Variants in MLLT10 observed in about 807,000 individuals in gnomAD.
The protein encoded by MLLT10 is protein AF-10.
Under a neutral mutation model 129.1 loss-of-function variants are expected in MLLT10, and 30 were observed. That is an observed-to-expected ratio of 0.23 (90% CI 0.17 to 0.32). The LOEUF (loss-of-function observed/expected upper bound fraction) is 0.32. Ranked by LOEUF, MLLT10 falls within the 10% of genes least tolerant of loss-of-function variation. The pLI is 1.00. For missense variants in MLLT10, 1,119 were observed against 1,268.3 expected, an observed-to-expected ratio of 0.88 and a Z score of 1.79; for synonymous variants, 490 against 446.4, an observed-to-expected ratio of 1.10 and a Z score of -1.23.
chr10:21,627,220 A>G (rs1052343164), intron 8 of MLLT10, among the ~76,000 whole-genome samples: 1 of 151,844 alleles, frequency 6.6e-6, no homozygotes, highest in African/African-American at 2.4e-5. Context: ...TTTCTCCTCT[A>G]CTCTCTGTAG....
Position 21,732,891 on chromosome 10 carries a change from T to C in MLLT10, c.2219-8T>C, listed in dbSNP as rs372022477. 8.1e-6 allele frequency: 13 copies of C among 1,611,102 alleles called. No homozygotes were observed. The highest frequency in any genetic ancestry group is 1.3e-5 in the African/African-American group (1 of 74,730). ...GTCATTATTAAAAACTATCCAAATG[T>C]GTGGTAGTTTTAGGAATGCTGAAGT... On this transcript the variant is annotated splice_polypyrimidine_tract_variant and splice_region_variant and intron_variant, in intron 17 of 22. Transcript: ENST00000307729.
At chr10:21,592,434 T>C (rs1284751204) in intron 4 of MLLT10, among the ~76,000 whole-genome samples, 3 of 151,768 alleles carry the variant, frequency 2.0e-5, no homozygotes, top group African/African-American at 7.3e-5. Context: ...CCCTTAGTTT[T>C]CTGTAGTTTT....
At chr10:21,717,888 T>TC (rs2056846205) in intron 14 of MLLT10, among the ~76,000 whole-genome samples, 1 of 75,954 alleles carries the variant, frequency 1.3e-5, no homozygotes, top group East Asian at 4.5e-4. Context: ...TCCTCCTCCT[T>TC]CTCCTCCTCC....
intron 3 of MLLT10, among the ~76,000 whole-genome samples, chr10:21,565,968 T>C (rs905763345): frequency 9.6e-5 from 14 of 146,104 alleles, no homozygotes; most frequent in African/African-American, 3.3e-4. Flanking sequence ...TTTTTTTTTT[T>C]TTGAGATGGA....
chr10:21,638,780 C>T (rs562364623), intron 8 of MLLT10, among the ~76,000 whole-genome samples: 5 of 152,244 alleles, frequency 3.3e-5, no homozygotes, highest in African/African-American at 9.6e-5. Context: ...TATTTTTCTT[C>T]TTAAAGCACT....
chr10:21,647,433 A>G (rs1270374493), intron 8 of MLLT10, among the ~76,000 whole-genome samples: 1 of 152,062 alleles, frequency 6.6e-6, no homozygotes, highest in Non-Finnish European at 1.5e-5. Context: ...AGGCAGAAGG[A>G]TCCTTTGAGC....
At chr10:21,651,319 T>G (rs1047057560) in intron 8 of MLLT10, among the ~76,000 whole-genome samples, 1 of 152,042 alleles carries the variant, frequency 6.6e-6, no homozygotes, top group African/African-American at 2.4e-5. Flanking sequence ...ATCCGCCCGC[T>G]TCAGCTTCCC....
rs376126909 is a variant in MLLT10, at chr10:21,674,338, G to C, written c.1621+419G>C. On this transcript the variant is annotated intron_variant, in intron 11 of 22. Transcript: ENST00000307729. ...TCCCTTTCTCTAAACTTCAATTTTA[G>C]TAATCATTTTCTAAACGACTCCTCA... Among the ~76,000 whole-genome samples, 4 of 151,020 alleles carry C rather than the reference G, an allele frequency of 2.6e-5. No homozygotes were observed. In the East Asian group the frequency reaches 8.0e-4, roughly 30 times the overall value.
chr10:21,733,534 A>T lies in MLLT10; in HGVS notation c.2438A>T (p.Lys813Met). ...ACTACTGATTCCTTGAACAGCAGTA[A>T]GAGCCCTCATATAGGAAACAGCTTT... is the stretch of plus-strand genomic sequence containing the variant. ...APTTDSLNSS[K>M]SPHIGNSFLP... The change falls in exon 19 of 23, where the codon AAG becomes ATG. Residue 813 changes from lysine to methionine, a missense_variant. By Grantham distance (95) the Lys-to-Met change is moderately conservative. Around this residue, in one of 5 missense-constraint regions of MLLT10, gnomAD observed 1,004 missense variants for 1,008.7 expected, o/e 1.00. Transcript: ENST00000307729. 6.4e-7 allele frequency: 1 copy of T among 1,571,974 alleles called. No individual in the cohort carries two copies. Among genetic ancestry groups the T allele is most frequent in the Non-Finnish European group, 8.6e-7 (1 of 1,164,646 alleles).
intron 13 of MLLT10, among the ~76,000 whole-genome samples, chr10:21,693,216 C>T (rs1233557230): frequency 1.3e-5 from 2 of 152,146 alleles, no homozygotes; most frequent in Non-Finnish European, 2.9e-5. Context: ...TTCATTGATT[C>T]ATAACAATTG....
chr10:21,633,592 G>T (rs1288619263), intron 8 of MLLT10, among the ~76,000 whole-genome samples: 1 of 152,156 alleles, frequency 6.6e-6, no homozygotes, highest in East Asian at 1.9e-4. Context: ...CTACTTAGGA[G>T]GCTGAGGTGG....
At chr10:21,714,347 TA>T (rs34510047) in intron 14 of MLLT10, among the ~76,000 whole-genome samples, 112,406 of 151,978 alleles carry the variant, frequency 0.74, 42,370 homozygotes, top group East Asian at 0.98. Context: ...TTTAAAGTTT[TA>T]AAAAAAACCG....
At chr10:21,732,829 G>A (rs1462021177) in intron 17 of MLLT10, 70 bp from the exon 18 acceptor site, 21 of 1,221,766 alleles carry the variant, frequency 1.7e-5, no homozygotes, top group South Asian at 1.2e-4. Context: ...TAAGGTTACC[G>A]GCACTGCGTA....
At chr10:21,655,761 G>A (rs1276594009) in intron 9 of MLLT10, among the ~76,000 whole-genome samples, 1 of 152,190 alleles carries the variant, frequency 6.6e-6, no homozygotes, top group African/African-American at 2.4e-5. Context: ...TGATACAAGA[G>A]CTGTGGGAGC....
intron 17 of MLLT10, 56 bp from the exon 18 acceptor site, chr10:21,732,843 T>C (rs192403105): frequency 1.4e-5 from 20 of 1,431,226 alleles, no homozygotes; most frequent in Non-Finnish European, 1.7e-5. Context: ...CTGCGTAAAA[T>C]ACTTAGTCTT....
At chr10:21,577,896 C>T (rs1387154807) in intron 3 of MLLT10, among the ~76,000 whole-genome samples, 15 of 151,666 alleles carry the variant, frequency 9.9e-5, no homozygotes, top group Admixed American at 6.6e-5. Context: ...TTATTTTTTT[C>T]ATTATATTAT....
intron 3 of MLLT10, 39 bp downstream of exon 3, chr10:21,538,951 T>C: frequency 1.4e-6 from 2 of 1,475,210 alleles, no homozygotes. Flanking sequence ...CTTTAGTGAG[T>C]AGGTTAGGAA....
rs1225893534 is a variant in MLLT10, at chr10:21,552,388, C to CTT, written c.240+13494_240+13495dup. On this transcript the variant is annotated intron_variant, in intron 3 of 22. Coordinates refer to ENST00000307729, the MANE Select transcript of MLLT10 (RefSeq NM_001195626.3). Reference sequence around the variant, plus strand: ...TAAATCTTTGTATATCTTCTTATTGCTTTTTTTTTTTTTTTTTTTGAGATG... The same window carrying CTT: ...TAAATCTTTGTATATCTTCTTATTGCTTTTTTTTTTTTTTTTTTTTTGAGATG... Among the ~76,000 whole-genome samples, 609 of 112,096 alleles carry CTT rather than the reference C, an allele frequency of 5.4e-3. 24 individuals carry two copies. The highest frequency in any genetic ancestry group is 0.02 in the African/African-American group (561 of 28,302). The allele number at this position is 112,096 out of a possible 152,430, so 73.5% of individuals were successfully genotyped here.
At chr10:21,691,197 T>C (rs2053819060) in intron 13 of MLLT10, among the ~76,000 whole-genome samples, 1 of 152,190 alleles carries the variant, frequency 6.6e-6, no homozygotes, top group Non-Finnish European at 1.5e-5. Flanking sequence ...TTCACTACTT[T>C]GCAGCTTCCT....
Sources: allele counts gnomAD v4.1 joint callset (sites outside exome capture counted in the v4.1 genomes callset), GRCh38; gene constraint gnomAD v4.1.1; regional missense constraint gnomAD v4.1.1; transcripts MANE v1.5; gene names NCBI Gene and HGNC (gene_info 2026-07-23, HGNC 2026-07-21).